The following NCOA3 variants were observed in gnomAD, a reference collection of about 807,000 sequenced individuals.
The protein encoded by NCOA3 is CBP-interacting protein.
Under a neutral mutation model 158.8 loss-of-function variants are expected in NCOA3, and 51 were observed. The observed-to-expected ratio is 0.32, with a 90% CI of 0.26 to 0.41. NCOA3 has a LOEUF of 0.41. Ranked by LOEUF, NCOA3 falls within the 10% of genes least tolerant of loss-of-function variation. The pLI, the probability that NCOA3 is intolerant of heterozygous loss-of-function variation, is 1.00. For missense variants in NCOA3, 1,510 were observed against 1,746.6 expected (o/e 0.86, Z 2.41); for synonymous variants, 537 against 592.4 (o/e 0.91, Z 1.36).
intron 20 of NCOA3, 88 bp from the exon 21 acceptor site, chr20:47,652,317 TA>T (rs201908342): frequency 2.1e-3 from 2,082 of 1,009,096 alleles, no homozygotes; most frequent in African/African-American, 2.6e-3. Context: ...CCACCTCCTT[TA>T]AAAAAAAAAC....
chr20:47,506,101 G>T (rs980932995), intron 1 of NCOA3, among the ~76,000 whole-genome samples: 1 of 152,082 alleles, frequency 6.6e-6, no homozygotes, highest in South Asian at 2.1e-4. Flanking sequence ...CACCGCTCCC[G>T]GCCCATTTTC....
intron 1 of NCOA3, among the ~76,000 whole-genome samples, chr20:47,543,536 G>A (rs1336029302): frequency 6.6e-6 from 1 of 150,786 alleles, no homozygotes; most frequent in Non-Finnish European, 1.5e-5. Flanking sequence ...TTTGGAGAGA[G>A]TCTTGCTCTG....
Position 47,642,341 on chromosome 20 carries a change from A to G in NCOA3, c.3209A>G (p.Glu1070Gly). 6.2e-7 allele frequency: 1 copy of G among 1,611,020 alleles called. No homozygotes were observed. Among genetic ancestry groups the G allele is most frequent in the Non-Finnish European group, 8.5e-7 (1 of 1,179,276 alleles). Residue 1070 changes from glutamate to glycine, a missense_variant, in exon 17 of 23, where the codon GAA (glutamate) becomes GGA (glycine). By Grantham distance (98) the Glu-to-Gly change is moderately conservative (BLOSUM62 -2). Transcript: ENST00000371998. ...AGCAACACAGATGCCACAGGCCTGG[A>G]AGAAATTGACAGAGCTTTGGGCATT... ...LLSNTDATGL[E>G]EIDRALGIPE...
intron 2 of NCOA3, among the ~76,000 whole-genome samples, chr20:47,610,902 A>C (rs1166538988): frequency 6.6e-6 from 1 of 152,208 alleles, no homozygotes; most frequent in East Asian, 1.9e-4. Context: ...GGCTAACTTT[A>C]GTACTATAGT....
intron 2 of NCOA3, among the ~76,000 whole-genome samples, chr20:47,616,152 G>A (rs1190641325): frequency 1.3e-3 from 73 of 58,212 alleles, no homozygotes; most frequent in Non-Finnish European, 2.0e-3. Flanking sequence ...CCCACCCCCC[G>A]CCCCGCCAAA....
intron 1 of NCOA3, among the ~76,000 whole-genome samples, chr20:47,543,166 G>C (rs986335938): frequency 9.8e-5 from 15 of 152,300 alleles, no homozygotes; most frequent in African/African-American, 3.6e-4. Context: ...GGAGGTCTCA[G>C]TTTCTGCCTG....
intron 17 of NCOA3, among the ~76,000 whole-genome samples, chr20:47,645,775 T>G (rs557160019): frequency 5.6e-4 from 85 of 152,028 alleles, no homozygotes; most frequent in African/African-American, 2.0e-3. Context: ...GAGGCTGAGG[T>G]GGGAGGATCA....
intron 1 of NCOA3, among the ~76,000 whole-genome samples, chr20:47,539,497 G>A (rs1340441379): frequency 6.6e-6 from 1 of 152,206 alleles, no homozygotes; most frequent in African/African-American, 2.4e-5. Context: ...TAGAGTAGCA[G>A]TAGCAGGTTT....
chr20:47,522,858 TGAGGCTTTACGA>T (rs2084366548), intron 1 of NCOA3, among the ~76,000 whole-genome samples: 1 of 150,560 alleles, frequency 6.6e-6, no homozygotes, highest in African/African-American at 2.5e-5. Flanking sequence ...CTCTAAGAGC[TGAGGCTTTACGA>T]GAAACTTTTC....
intron 1 of NCOA3, among the ~76,000 whole-genome samples, chr20:47,543,084 T>G (rs550535551): frequency 6.6e-6 from 1 of 152,322 alleles, no homozygotes; most frequent in South Asian, 2.1e-4. Flanking sequence ...CTTAATGGGT[T>G]GCAGTCATCT....
At position 47,542,663 on chromosome 20, in the gene NCOA3, C is replaced by A. The variant is rs375271377; in HGVS notation, c.-98-40520C>A. Reference sequence around the variant, plus strand: ...GTGAATAGGCAATTCCTAGGCAAGACCCTCTCTCTAAAAATTGGCCAGGCA... The same window carrying A: ...GTGAATAGGCAATTCCTAGGCAAGAACCTCTCTCTAAAAATTGGCCAGGCA... On this transcript the variant is annotated intron_variant, in intron 1 of 22. Transcript: ENST00000371998. Among the ~76,000 whole-genome samples, 97 of 152,160 alleles carry A rather than the reference C, an allele frequency of 6.4e-4. 2 individuals are homozygous for A. The Middle Eastern group carries it at 0.01, about 16-fold the overall frequency.
chr20:47,525,652 G>A (rs1436798029), intron 1 of NCOA3, among the ~76,000 whole-genome samples: 28 of 129,460 alleles, frequency 2.2e-4, no homozygotes, highest in Non-Finnish European at 6.6e-5. Context: ...GCGGCTGGCC[G>A]GACGGGGGGG....
chr20:47,510,594 A>C (rs1255058986), intron 1 of NCOA3, among the ~76,000 whole-genome samples: 1 of 151,970 alleles, frequency 6.6e-6, no homozygotes, highest in Non-Finnish European at 1.5e-5. Flanking sequence ...TGGGACTTTT[A>C]AAAATTAATT....
intron 22 of NCOA3, 114 bp downstream of exon 22, chr20:47,653,186 T>A (rs2086824060): frequency 3.0e-6 from 4 of 1,326,356 alleles, no homozygotes; most frequent in Non-Finnish European, 4.1e-6. Flanking sequence ...AATGTATAAC[T>A]TAAAATATAG....
intron 1 of NCOA3, among the ~76,000 whole-genome samples, chr20:47,550,248 C>G (rs1402341379): frequency 3.3e-5 from 5 of 151,278 alleles, no homozygotes; most frequent in African/African-American, 1.2e-4. Context: ...AGTTTGAGAC[C>G]AACCTGACCA....
chr20:47,542,009 G>GTTTTTTTGTTT (rs71183262), intron 1 of NCOA3, among the ~76,000 whole-genome samples: 168 of 56,352 alleles, frequency 3.0e-3, no homozygotes, highest in Non-Finnish European at 4.4e-3. Context: ...GCCCTGTAGA[G>GTTTTTTTGTTT]TTTTTTTTTT....
chr20:47,635,849 C>A, intron 11 of NCOA3, 42 bp from the exon 12 acceptor site: 1 of 1,548,294 alleles, frequency 6.5e-7, no homozygotes, highest in Admixed American at 2.0e-5. Flanking sequence ...GTTACAGTGT[C>A]TGGTAGTCTA....
At chr20:47,622,193 A>T in intron 2 of NCOA3, 36 bp from the exon 3 acceptor site, 1 of 1,148,844 alleles carries the variant, frequency 8.7e-7, no homozygotes, top group Non-Finnish European at 1.3e-6. Context: ...TATATTTTTT[A>T]ATGTACTTAT....
intron 2 of NCOA3, among the ~76,000 whole-genome samples, chr20:47,588,669 T>G (rs982310508): frequency 1.4e-4 from 21 of 152,154 alleles, no homozygotes; most frequent in Admixed American, 1.3e-4. Flanking sequence ...GTAACCAACT[T>G]AAATGTTTTC....
Sources: allele counts gnomAD v4.1 joint callset (sites outside exome capture counted in the v4.1 genomes callset), GRCh38; gene constraint gnomAD v4.1.1; transcripts MANE v1.5; gene names NCBI Gene and HGNC (gene_info 2026-07-23, HGNC 2026-07-21).